Variants in KIF16B observed in about 807,000 individuals in gnomAD.
The protein encoded by KIF16B is kinesin-like protein KIF16B.
KIF16B carries 98 observed loss-of-function variants against 156.3 expected under a neutral mutation model. That is an observed-to-expected ratio of 0.63 (90% CI 0.53 to 0.74). The LOEUF is 0.74. KIF16B is among the 30% of genes least tolerant of loss of function. The probability of loss-of-function intolerance (pLI) is 0.00; values close to 1 mark genes in which losing one functional copy is unlikely to be tolerated. For missense variants in KIF16B, 1,421 were observed against 1,606.5 expected (o/e 0.88, Z 1.97); for synonymous variants, 564 against 583.7 (o/e 0.97, Z 0.49).
chr20:16,331,651 C>T (rs762390972), intron 24 of KIF16B, among the ~76,000 whole-genome samples: 7 of 152,148 alleles, frequency 4.6e-5, no homozygotes, highest in Non-Finnish European at 8.8e-5. Context: ...AAATAATGAG[C>T]CCAATCTGGT....
intron 12 of KIF16B, among the ~76,000 whole-genome samples, chr20:16,476,512 C>T (rs190123791): frequency 2.6e-5 from 4 of 152,242 alleles, no homozygotes; most frequent in Admixed American, 2.6e-4. Context: ...AGCAATCTGG[C>T]TTAATATAAT....
At chr20:16,280,622 C>T (rs1230414332) in intron 25 of KIF16B, among the ~76,000 whole-genome samples, 1 of 152,122 alleles carries the variant, frequency 6.6e-6, no homozygotes, top group African/African-American at 2.4e-5. Flanking sequence ...ACTGAGATTC[C>T]AAGGGGCAGT....
At chr20:16,383,478 G>T (rs866869847) in intron 17 of KIF16B, among the ~76,000 whole-genome samples, 4 of 152,108 alleles carry the variant, frequency 2.6e-5, no homozygotes, top group Non-Finnish European at 5.9e-5. Flanking sequence ...ACTGACAAAT[G>T]GAAATAATCT....
intron 17 of KIF16B, among the ~76,000 whole-genome samples, chr20:16,391,317 G>A (rs897328703): frequency 2.6e-5 from 4 of 152,144 alleles, no homozygotes; most frequent in African/African-American, 7.2e-5. Flanking sequence ...CTGCCCATGA[G>A]TCCTCTATCA....
At chr20:16,303,560 T>C (rs1484136387) in intron 25 of KIF16B, among the ~76,000 whole-genome samples, 1 of 152,268 alleles carries the variant, frequency 6.6e-6, no homozygotes, top group Non-Finnish European at 1.5e-5. Flanking sequence ...TGAATTTTTT[T>C]GTATTTTTTT....
At chr20:16,534,292 T>C (rs911336650) in intron 1 of KIF16B, among the ~76,000 whole-genome samples, 1 of 151,826 alleles carries the variant, frequency 6.6e-6, no homozygotes, top group African/African-American at 2.4e-5. Flanking sequence ...TTACTCTTAG[T>C]ATTTATAACA....
chr20:16,303,550 T>A (rs1017739103), intron 25 of KIF16B, among the ~76,000 whole-genome samples: 1 of 152,242 alleles, frequency 6.6e-6, no homozygotes, highest in Admixed American at 6.5e-5. Context: ...GCTCTCATTT[T>A]GAATTTTTTT....
chr20:16,378,159 G>A (rs1057194227), intron 19 of KIF16B, among the ~76,000 whole-genome samples: 18 of 152,148 alleles, frequency 1.2e-4, no homozygotes, highest in Admixed American at 5.9e-4. Context: ...TGAACCCAGG[G>A]ATGATACTTA....
intron 12 of KIF16B, among the ~76,000 whole-genome samples, chr20:16,440,528 C>CGT (rs1568985411): frequency 1.2e-4 from 11 of 91,626 alleles, no homozygotes; most frequent in African/African-American, 3.6e-4. Context: ...AACACACAAG[C>CGT]GCGCGCACAC....
At chr20:16,570,687 C>T (rs2071419660) in intron 1 of KIF16B, among the ~76,000 whole-genome samples, 1 of 152,166 alleles carries the variant, frequency 6.6e-6, no homozygotes, top group South Asian at 2.1e-4. Flanking sequence ...GTCTTCAAGA[C>T]CAAGGACACC....
intron 15 of KIF16B, among the ~76,000 whole-genome samples, chr20:16,407,636 G>A (rs756444428): frequency 4.6e-5 from 7 of 152,124 alleles, no homozygotes; most frequent in Admixed American, 4.6e-4. Context: ...GCTCAGGACA[G>A]AGGAGAGAAT....
chr20:16,361,213 A>G (rs2064545837), intron 22 of KIF16B, among the ~76,000 whole-genome samples: 1 of 152,204 alleles, frequency 6.6e-6, no homozygotes, highest in Non-Finnish European at 1.5e-5. Context: ...TTCTAATTAG[A>G]GCTATTATGT....
intron 23 of KIF16B, among the ~76,000 whole-genome samples, chr20:16,351,166 G>A (rs375619144): frequency 4.6e-5 from 7 of 152,062 alleles, no homozygotes; most frequent in African/African-American, 9.7e-5. Flanking sequence ...AGAAACTCTC[G>A]GGAAACAAAA....
At chr20:16,408,710 C>T (rs1420886579) in intron 15 of KIF16B, among the ~76,000 whole-genome samples, 1 of 152,046 alleles carries the variant, frequency 6.6e-6, no homozygotes, top group Non-Finnish European at 1.5e-5. Flanking sequence ...GAAATACACA[C>T]AAAAAGCCCT....
intron 4 of KIF16B, among the ~76,000 whole-genome samples, chr20:16,514,582 G>GAAAAA (rs540602451): frequency 2.3e-4 from 18 of 76,916 alleles, no homozygotes; most frequent in African/African-American, 4.5e-4. Context: ...TAAGAAATAA[G>GAAAAA]AAAAAAAAAA....
chr20:16,380,126 C>T lies in KIF16B; in HGVS notation c.1876G>A (p.Asp626Asn). Residue 626 changes from aspartate (D) to asparagine (N), a missense_variant, in exon 19 of 26, where the codon GAC becomes AAC. Coordinates refer to ENST00000354981, the MANE Select transcript of KIF16B (RefSeq NM_024704.5). ...TGCATCCGCTCCAGTTCAGCCTTGT[C>T]TGATTTCTGCTTTTCCTCCATTTCT... The part of the protein sequence containing the change: ...IEEMEEKQKS[D>N]KAELERMQQE... The T allele has an allele frequency of 1.3e-6, 2 of 1,514,928 alleles. No homozygotes were observed. The highest frequency in any genetic ancestry group is 1.4e-5 in the South Asian group (1 of 72,570). The allele number at this position is 1,514,928 out of a possible 1,614,324, so 93.8% of individuals were successfully genotyped here.
At chr20:16,343,685 T>C (rs955148241) in intron 23 of KIF16B, among the ~76,000 whole-genome samples, 2 of 152,212 alleles carry the variant, frequency 1.3e-5, no homozygotes, top group African/African-American at 4.8e-5. Context: ...AACATGCCTG[T>C]ATATAATAGT....
chr20:16,451,764 G>A (rs1185389652), intron 12 of KIF16B, among the ~76,000 whole-genome samples: 2 of 148,748 alleles, frequency 1.3e-5, no homozygotes, highest in African/African-American at 2.4e-5. Flanking sequence ...TAGAAATACT[G>A]GGGACCAAAC....
intron 17 of KIF16B, among the ~76,000 whole-genome samples, chr20:16,385,100 G>C (rs950144130): frequency 5.9e-5 from 9 of 151,974 alleles, no homozygotes; most frequent in Non-Finnish European, 1.2e-4. Context: ...GGGAGGCTGA[G>C]GCAGGAGAAT....
Sources: allele counts gnomAD v4.1 joint callset (sites outside exome capture counted in the v4.1 genomes callset), GRCh38; gene constraint gnomAD v4.1.1; transcripts MANE v1.5; gene names NCBI Gene and HGNC (gene_info 2026-07-23, HGNC 2026-07-21).